The following CERT1 variants were observed in gnomAD, a reference collection of about 807,000 sequenced individuals.
CERT1 encodes the protein ceramide transfer protein.
In CERT1, 31 loss-of-function variants were observed where a neutral mutation model predicts 87.9. That is an observed-to-expected ratio of 0.35 (90% CI 0.27 to 0.48). CERT1 has a LOEUF of 0.48. CERT1 is among the 20% of genes least tolerant of loss of function. CERT1 has a pLI of 0.99. For missense variants in CERT1, 487 were observed against 758.0 expected (o/e 0.64, Z 4.20); for synonymous variants, 289 against 250.9 (o/e 1.15, Z -1.44).
At position 75,408,939 on chromosome 5, in the gene CERT1, A is replaced by C. The variant is rs190351568; in HGVS notation, c.930+2072T>G. The stretch of plus-strand genomic sequence containing the variant: ...TGTCCTCTACCCCTAGGAAAAAAAA[A>C]ACAAAACCTGTGTTGATGGAAGCAG... On this transcript the variant is annotated intron_variant, in intron 8 of 16. Coordinates refer to ENST00000643780, the MANE Select transcript of CERT1 (RefSeq NM_001379029.1). Among the ~76,000 whole-genome samples, 215 of 152,180 alleles carry C rather than the reference A, an allele frequency of 1.4e-3. 1 individual carries two copies. Among genetic ancestry groups the C allele is most frequent in the African/African-American group, 4.3e-3 (178 of 41,526 alleles).
chr5:75,511,357 GC>G lies in CERT1; in HGVS notation c.-151del. On this transcript the variant is annotated 5_prime_UTR_variant, in exon 1 of 17. Coordinates refer to ENST00000643780, the MANE Select transcript of CERT1 (RefSeq NM_001379029.1). ...GGGAGCAGGAGGAGGGACGAAGTCC[GC>G]CCGCCGCGCCGCCGCCGCGCCTGAC... 1.3e-6 allele frequency: 2 copies of G among 1,539,424 alleles called. No homozygotes were observed. Among genetic ancestry groups the G allele is most frequent in the Non-Finnish European group, 1.7e-6 (2 of 1,144,888 alleles).
chr5:75,423,541 G>A (rs892323400), intron 5 of CERT1, among the ~76,000 whole-genome samples: 1 of 152,138 alleles, frequency 6.6e-6, no homozygotes, highest in Admixed American at 6.5e-5. Flanking sequence ...GGAGTTTAAA[G>A]ACCAGCCTGG....
At chr5:75,399,547 T>C (rs543322541) in intron 10 of CERT1, among the ~76,000 whole-genome samples, 160 bp from the exon 11 acceptor site, 2 of 152,334 alleles carry the variant, frequency 1.3e-5, no homozygotes, top group Middle Eastern at 6.8e-3. Context: ...TATTATGTAT[T>C]ATGTTCCAAA....
intron 3 of CERT1, among the ~76,000 whole-genome samples, chr5:75,457,862 T>C (rs1373942268): frequency 1.3e-5 from 2 of 151,200 alleles, no homozygotes; most frequent in African/African-American, 4.9e-5. Flanking sequence ...TTAGCTTTTC[T>C]TTCTCAAGCC....
intron 6 of CERT1, among the ~76,000 whole-genome samples, chr5:75,417,379 T>C (rs1286750479): frequency 1.3e-5 from 2 of 152,056 alleles, no homozygotes; most frequent in African/African-American, 2.4e-5. Flanking sequence ...CCTTATTATT[T>C]TGAAAAGCCT....
At chr5:75,436,564 A>C (rs1764104737) in intron 3 of CERT1, among the ~76,000 whole-genome samples, 1 of 152,018 alleles carries the variant, frequency 6.6e-6, no homozygotes, top group Admixed American at 6.6e-5. Context: ...GGAGACTGCA[A>C]TTAAAAATAA....
chr5:75,423,500 G>A (rs187300985), intron 5 of CERT1, among the ~76,000 whole-genome samples: 2 of 152,266 alleles, frequency 1.3e-5, no homozygotes, highest in Admixed American at 1.3e-4. Context: ...AGTACTTTGG[G>A]CAGTTGAGGT....
downstream of CERT1, chr5:75,374,220 A>T: frequency 2.5e-6 from 1 of 399,736 alleles, no homozygotes; most frequent in Non-Finnish European, 4.4e-6. Flanking sequence ...AAAAAAAGAC[A>T]AGTAAAAAAC....
At chr5:75,504,355 G>C (rs1767553687) in intron 2 of CERT1, among the ~76,000 whole-genome samples, 1 of 152,056 alleles carries the variant, frequency 6.6e-6, no homozygotes, top group South Asian at 2.1e-4. Flanking sequence ...CCTAAAAATT[G>C]TCTCTAAGAA....
chr5:75,424,074 A>G (rs1195789171), intron 5 of CERT1, among the ~76,000 whole-genome samples: 2 of 152,218 alleles, frequency 1.3e-5, no homozygotes. Flanking sequence ...TTAAGTGAAA[A>G]AGCTGAAGAA....
At chr5:75,400,442 A>G in intron 9 of CERT1, 145 bp from the exon 10 acceptor site, 1 of 556,838 alleles carries the variant, frequency 1.8e-6, no homozygotes, top group Middle Eastern at 4.4e-4. Context: ...ACTACTCCGC[A>G]GACATGGCAA....
At chr5:75,384,385 CACAAAGGGAACTAACCG>C (rs1213179159) in intron 14 of CERT1, among the ~76,000 whole-genome samples, 4 of 152,142 alleles carry the variant, frequency 2.6e-5, no homozygotes, top group African/African-American at 9.7e-5. Context: ...ATAAAAAGTG[CACAAAGGGAACTAACCG>C]TTGATCTTTA....
intron 2 of CERT1, among the ~76,000 whole-genome samples, chr5:75,461,437 T>A (rs1280467130): frequency 6.6e-6 from 1 of 152,128 alleles, no homozygotes; most frequent in East Asian, 1.9e-4. Flanking sequence ...TTCATGAAAC[T>A]GGTCCCTGGT....
chr5:75,383,861 G>A (rs901280580), intron 14 of CERT1, among the ~76,000 whole-genome samples: 7 of 152,002 alleles, frequency 4.6e-5, no homozygotes, highest in Non-Finnish European at 8.8e-5. Flanking sequence ...ATGTTATTGG[G>A]CAGTTTTCAG....
chr5:75,406,542 CTT>C (rs869232885), intron 8 of CERT1, among the ~76,000 whole-genome samples: 39 of 139,316 alleles, frequency 2.8e-4, no homozygotes, highest in Middle Eastern at 3.8e-3. Context: ...TATGGTAAGT[CTT>C]TTTTTTTTTT....
In CERT1 at chr5:75,511,538, G is replaced by A. The variant is rs1324446862; in HGVS notation, c.-331C>T. 1 of 1,459,462 alleles carries A rather than the reference G, an allele frequency of 6.9e-7. No homozygotes were observed. The highest frequency in any genetic ancestry group is 1.4e-5 in the African/African-American group (1 of 70,574). The allele number at this position is 1,459,462 out of a possible 1,614,324, so 90.4% of individuals were successfully genotyped here. The stretch of plus-strand genomic sequence containing the variant: ...CCAATTTCAAATAGGGAAGGAAAAG[G>A]GAAAAGAAGGGAAGAGAAAATCCGG... On this transcript the variant is annotated 5_prime_UTR_variant, in exon 1 of 17. Transcript: ENST00000643780.
rs1382196556 is a variant in CERT1 at position 75,382,003 on chromosome 5, A to G, written c.1563T>C (p.Asn521=). Residue 521 remains asparagine, a synonymous_variant, in exon 15 of 17, where the codon AAT becomes AAC. Coordinates refer to ENST00000643780, the MANE Select transcript of CERT1 (RefSeq NM_001379029.1). ...TACAAACTATCCAAGTTTCAGGGTC[A>G]TTTTCAGTCAAGGCTGGTATCTTTC... ...VIRKIPALTE[N]DPETWIVCNF... 1.2e-6 allele frequency: 2 copies of G among 1,614,010 alleles called. No homozygotes were observed. The highest frequency in any genetic ancestry group is 3.3e-5 in the Admixed American group (2 of 60,022).
chr5:75,431,172 T>TTAG (rs1763849525), intron 3 of CERT1, among the ~76,000 whole-genome samples: 1 of 152,176 alleles, frequency 6.6e-6, no homozygotes, highest in East Asian at 1.9e-4. Flanking sequence ...GGACGTGAGC[T>TTAG]TAGTGCCTGA....
At chr5:75,507,123 T>C (rs1239393849) in intron 1 of CERT1, among the ~76,000 whole-genome samples, 2 of 152,116 alleles carry the variant, frequency 1.3e-5, no homozygotes, top group African/African-American at 2.4e-5. Flanking sequence ...ACTTCTTAAA[T>C]TTTCTTTTAT....
Sources: allele counts gnomAD v4.1 joint callset (sites outside exome capture counted in the v4.1 genomes callset), GRCh38; gene constraint gnomAD v4.1.1; transcripts MANE v1.5; gene names NCBI Gene and HGNC (gene_info 2026-07-23, HGNC 2026-07-21).